The following ITFG1 variants were observed in gnomAD, a reference collection of about 807,000 sequenced individuals.
ITFG1 encodes the protein T-cell immunomodulatory protein.
Under a neutral mutation model 81.8 loss-of-function variants are expected in ITFG1, and 34 were observed. The observed-to-expected ratio is 0.42, with a 90% confidence interval of 0.32 to 0.55. ITFG1 has a LOEUF of 0.55. ITFG1 is among the 20% of genes least tolerant of loss of function. The probability of loss-of-function intolerance (pLI) is 0.17; values close to 1 mark genes in which losing one functional copy is unlikely to be tolerated. For synonymous variants in ITFG1, 285 were observed against 270.6 expected (o/e 1.05, Z -0.52); for missense variants, 672 against 755.4 (o/e 0.89, Z 1.29).
At chr16:47,314,733 T>C (rs1967325108) in intron 8 of ITFG1, among the ~76,000 whole-genome samples, 1 of 152,210 alleles carries the variant, frequency 6.6e-6, no homozygotes, top group Non-Finnish European at 1.5e-5. Flanking sequence ...CACTTAGTTT[T>C]TTAATTTGGG....
chr16:47,247,505 AG>A (rs1966015695), intron 12 of ITFG1, among the ~76,000 whole-genome samples: 1 of 152,188 alleles, frequency 6.6e-6, no homozygotes, highest in East Asian at 1.9e-4. Context: ...GCTGGCTCAA[AG>A]CTGTAAGTGC....
chr16:47,328,957 C>G (rs1967600739), intron 8 of ITFG1, among the ~76,000 whole-genome samples: 1 of 152,128 alleles, frequency 6.6e-6, no homozygotes, highest in Non-Finnish European at 1.5e-5. Context: ...CTGCTAGTCT[C>G]TTCGTCAGTA....
chr16:47,186,647 C>T (rs1413389502), intron 14 of ITFG1, among the ~76,000 whole-genome samples: 1 of 152,148 alleles, frequency 6.6e-6, no homozygotes, highest in South Asian at 2.1e-4. Flanking sequence ...AACCCACAGC[C>T]AATATCATAC....
chr16:47,341,306 T>C (rs1477898908), intron 8 of ITFG1, among the ~76,000 whole-genome samples: 1 of 146,966 alleles, frequency 6.8e-6, no homozygotes, highest in Non-Finnish European at 1.5e-5. Context: ...CCAGGTGTGG[T>C]GCGCACTTGT....
rs1969490754 is a variant in ITFG1, at chr16:47,459,240, C to CA, written c.209-66dup. 1.6e-5 allele frequency: 18 copies of CA among 1,094,956 alleles called. No individual in the cohort carries two copies. The South Asian group carries it at 2.3e-4, about 14-fold the overall frequency. 67.8% of individuals were successfully genotyped at this position (1,094,956 alleles called of 1,614,324 possible). A position where few individuals can be genotyped will look rare whatever the true frequency, so the allele number is the denominator to read the frequency against. On this transcript the variant is annotated intron_variant, in intron 1 of 17. Transcript: ENST00000320640. Reference sequence around the variant, plus strand: ...TGATAAGATATCTAATCAGTGGTTACAAGAAGGTTTCTGGGCACTGTTCTC... The same window carrying CA: ...TGATAAGATATCTAATCAGTGGTTACAAAGAAGGTTTCTGGGCACTGTTCTC...
chr16:47,271,949 A>G (rs989057918), intron 10 of ITFG1, among the ~76,000 whole-genome samples: 16 of 152,222 alleles, frequency 1.1e-4, no homozygotes, highest in Non-Finnish European at 2.4e-4. Flanking sequence ...ACATGTCTAC[A>G]TAAAAACTTG....
intron 6 of ITFG1, among the ~76,000 whole-genome samples, chr16:47,391,878 C>T (rs1968535773): frequency 6.6e-6 from 1 of 152,098 alleles, no homozygotes; most frequent in Non-Finnish European, 1.5e-5. Context: ...TATGCATAGA[C>T]ATATACACCT....
At chr16:47,188,672 A>G (rs1965256030) in intron 14 of ITFG1, among the ~76,000 whole-genome samples, 1 of 150,404 alleles carries the variant, frequency 6.6e-6, no homozygotes. Context: ...CTAATGCTAG[A>G]TGACGAGTTA....
intron 10 of ITFG1, among the ~76,000 whole-genome samples, chr16:47,289,668 G>A (rs1353167965): frequency 6.6e-6 from 1 of 151,950 alleles, no homozygotes; most frequent in Non-Finnish European, 1.5e-5. Context: ...AATGGTCCTT[G>A]TATTTCTGTG....
At chr16:47,258,194 T>C (rs1208538180) in intron 12 of ITFG1, among the ~76,000 whole-genome samples, 1 of 152,224 alleles carries the variant, frequency 6.6e-6, no homozygotes, top group Non-Finnish European at 1.5e-5. Flanking sequence ...TGCTTCCTGA[T>C]ATGATGCACT....
chr16:47,157,872 A>C (rs1964739707), intron 17 of ITFG1, among the ~76,000 whole-genome samples: 1 of 152,218 alleles, frequency 6.6e-6, no homozygotes, highest in Non-Finnish European at 1.5e-5. Context: ...GCCACAAAGC[A>C]GCCCTTTTTT....
At chr16:47,458,254 T>A (rs1444943693) in intron 2 of ITFG1, among the ~76,000 whole-genome samples, 1 of 152,206 alleles carries the variant, frequency 6.6e-6, no homozygotes, top group East Asian at 1.9e-4. Context: ...AGTCCTTAAC[T>A]CCCCGAAGTG....
At chr16:47,219,788 T>A (rs1282643969) in intron 13 of ITFG1, among the ~76,000 whole-genome samples, 1 of 152,182 alleles carries the variant, frequency 6.6e-6, no homozygotes, top group African/African-American at 2.4e-5. Context: ...AACATCACAA[T>A]TGCCTGACTG....
At chr16:47,346,415 C>G (rs1314854157) in intron 8 of ITFG1, among the ~76,000 whole-genome samples, 1 of 152,112 alleles carries the variant, frequency 6.6e-6, no homozygotes. Flanking sequence ...TGGGTTACAG[C>G]AGAAGCAGTA....
At chr16:47,311,205 T>C in intron 10 of ITFG1, 35 bp downstream of exon 10, 13 of 1,512,972 alleles carry the variant, frequency 8.6e-6, no homozygotes, top group South Asian at 1.2e-5. Context: ...CTCACATAGT[T>C]TACAAATATT....
intron 14 of ITFG1, among the ~76,000 whole-genome samples, chr16:47,180,826 G>A (rs1224919607): frequency 2.6e-5 from 4 of 151,716 alleles, no homozygotes; most frequent in Admixed American, 6.6e-5. Context: ...AGTGAGGAGC[G>A]TCTCTGCCTG....
intron 10 of ITFG1, among the ~76,000 whole-genome samples, chr16:47,293,730 TTGAG>T (rs1308727717): frequency 6.6e-6 from 1 of 151,940 alleles, no homozygotes; most frequent in East Asian, 2.0e-4. Flanking sequence ...TGTTGTTGGA[TTGAG>T]TTATTTATAA....
chr16:47,301,748 T>C (rs1461277881), intron 10 of ITFG1, among the ~76,000 whole-genome samples: 1 of 152,228 alleles, frequency 6.6e-6, no homozygotes, highest in African/African-American at 2.4e-5. Context: ...GACAATAATA[T>C]AGGGAATGCC....
chr16:47,265,104 T>C (rs1057272111), intron 10 of ITFG1, among the ~76,000 whole-genome samples: 8 of 137,598 alleles, frequency 5.8e-5, no homozygotes, highest in African/African-American at 2.2e-4. Flanking sequence ...TAATAACTGC[T>C]ATTATTATTA....
Sources: allele counts gnomAD v4.1 joint callset (sites outside exome capture counted in the v4.1 genomes callset), GRCh38; gene constraint gnomAD v4.1.1; transcripts MANE v1.5; gene names NCBI Gene and HGNC (gene_info 2026-07-23, HGNC 2026-07-21).